CFAP91: variants seen among roughly 807,000 people sequenced by gnomAD.
The protein encoded by CFAP91 is cilia and flagella associated protein 91, also known as cilia- and flagella-associated protein 91.
In CFAP91, 85 loss-of-function variants were observed where a neutral mutation model predicts 95.9. The observed-to-expected ratio is 0.89, with a 90% CI of 0.74 to 1.06. CFAP91 has a LOEUF of 1.06. CFAP91 is among the 50% of genes least tolerant of loss of function. The probability of loss-of-function intolerance (pLI) is 0.00; values close to 1 mark genes in which losing one functional copy is unlikely to be tolerated. For synonymous variants in CFAP91, 335 were observed against 327.5 expected, an observed-to-expected ratio of 1.02 and a Z score of -0.25; for missense variants, 962 against 943.4, an observed-to-expected ratio of 1.02 and a Z score of -0.26.
intron 13 of CFAP91, among the ~76,000 whole-genome samples, chr3:119,742,491 T>C (rs2054140809): frequency 6.6e-6 from 1 of 152,238 alleles, no homozygotes; most frequent in South Asian, 2.1e-4. Context: ...CCTACCCAGA[T>C]TTCTTGCTGA....
intron 6 of CFAP91, among the ~76,000 whole-genome samples, chr3:119,721,756 A>G (rs1483570067): frequency 6.6e-6 from 1 of 152,262 alleles, no homozygotes; most frequent in Non-Finnish European, 1.5e-5. Flanking sequence ...AGAAAGAAGC[A>G]GCAAAACTAT....
chr3:119,747,046 T>G (rs1444096012), intron 14 of CFAP91, 69 bp from the exon 15 acceptor site: 6 of 1,225,168 alleles, frequency 4.9e-6, no homozygotes, highest in Non-Finnish European at 4.5e-6. Flanking sequence ...TAACCAATGT[T>G]TGTGTATTTT....
intron 12 of CFAP91, 66 bp from the exon 13 acceptor site, chr3:119,740,483 G>T: frequency 6.4e-7 from 1 of 1,567,330 alleles, no homozygotes; most frequent in South Asian, 1.2e-5. Context: ...CACTGCGTGT[G>T]ACTCCTAGTG....
At chr3:119,740,835 T>TTGTGTGTGTGTGTG (rs57901016) in intron 13 of CFAP91, 140 bp downstream of exon 13, 1,130 of 514,800 alleles carry the variant, frequency 2.2e-3, no homozygotes, top group South Asian at 7.5e-3. Context: ...CTGTCAGCAT[T>TTGTGTGTGTGTGTG]TGTGTGTGTG....
chr3:119,730,294 T>G lies in CFAP91; in HGVS notation c.935T>G (p.Met312Arg), dbSNP rs563121539. ...GAAGAGAATCAGAATGAAGTGAATATGAAGCACTTGAATGCCCGGTGGTCT... is the reference window on the plus strand; with the variant it reads ...GAAGAGAATCAGAATGAAGTGAATAGGAAGCACTTGAATGCCCGGTGGTCT... ...KREENQNEVN[M>R]KHLNARWSKL... Residue 312 changes from methionine to arginine, a missense_variant, in exon 8 of 18, where the codon ATG becomes AGG. By Grantham distance (91) the Met-to-Arg change is moderately conservative. Coordinates refer to ENST00000273390, the MANE Select transcript of CFAP91 (RefSeq NM_033364.4). 3.4e-5 allele frequency: 55 copies of G among 1,614,124 alleles called. 1 individual carries two copies. In the South Asian group the frequency reaches 5.5e-4, roughly 16 times the overall value.
At chr3:119,753,181 G>A (rs1345754916) in intron 17 of CFAP91, among the ~76,000 whole-genome samples, 1 of 152,104 alleles carries the variant, frequency 6.6e-6, no homozygotes, top group African/African-American at 2.4e-5. Flanking sequence ...TTTTTTCCTG[G>A]AAGAATATGA....
chr3:119,715,615 C>T lies in CFAP91; in HGVS notation c.554C>T (p.Ser185Leu). 3 of 1,613,978 alleles carry T rather than the reference C, an allele frequency of 1.9e-6. No individual in the cohort carries two copies. The highest frequency in any genetic ancestry group is 1.1e-5 in the South Asian group (1 of 91,070). The change falls in exon 6 of 18, where the codon TCA becomes TTA. Residue 185 changes from serine to leucine, a missense_variant. Ser to Leu is a moderately radical substitution (Grantham distance 145). Transcript: ENST00000273390. Reference sequence around the variant, plus strand: ...TCTACTAAGCACCTATCCATCCCTTCAAAGTCTACTGTGGGCACTCAGACT... The same window carrying T: ...TCTACTAAGCACCTATCCATCCCTTTAAAGTCTACTGTGGGCACTCAGACT... ...PTSTKHLSIP[S>L]KSTVGTQTDY...
chr3:119,717,779 A>G (rs1261571671), intron 6 of CFAP91, among the ~76,000 whole-genome samples: 1 of 152,032 alleles, frequency 6.6e-6, no homozygotes, highest in Non-Finnish European at 1.5e-5. Context: ...ACACATCCCT[A>G]CGAACAGCTG....
chr3:119,763,325 T>C (rs1272163077), intron 17 of CFAP91, among the ~76,000 whole-genome samples: 1 of 152,020 alleles, frequency 6.6e-6, no homozygotes, highest in African/African-American at 2.4e-5. Context: ...AAGTAAGTGT[T>C]GAGGAGGATG....
intron 17 of CFAP91, among the ~76,000 whole-genome samples, chr3:119,754,896 G>A (rs1232876731): frequency 6.6e-6 from 1 of 152,200 alleles, no homozygotes; most frequent in Non-Finnish European, 1.5e-5. Context: ...GGCTTAGAAA[G>A]CAAGACACTA....
chr3:119,703,192 T>C lies in CFAP91; in HGVS notation c.94T>C (p.Ser32Pro), dbSNP rs763798431. The change falls in exon 1 of 18, where the codon TCC becomes CCC. Residue 32 changes from serine (S) to proline (P), a missense_variant. Physicochemically the swap from Ser to Pro is moderately conservative, Grantham distance 74. Coordinates refer to ENST00000273390, the MANE Select transcript of CFAP91 (RefSeq NM_033364.4). ...RERSRAGSHI[S>P]SNRAYDFLYD... is the part of the protein sequence containing the mutation. Reference sequence around the variant, plus strand: ...GAGGTCGCGGGCTGGGAGCCACATCTCCTCCAATCGAGCGTATGATTTTCT... The same window carrying C: ...GAGGTCGCGGGCTGGGAGCCACATCCCCTCCAATCGAGCGTATGATTTTCT... 6.2e-7 allele frequency: 1 copy of C among 1,609,170 alleles called. No homozygotes were observed. The highest frequency in any genetic ancestry group is 8.5e-7 in the Non-Finnish European group (1 of 1,178,314).
intron 6 of CFAP91, among the ~76,000 whole-genome samples, chr3:119,723,040 TG>T (rs1404179660): frequency 6.6e-6 from 1 of 152,172 alleles, no homozygotes; most frequent in Non-Finnish European, 1.5e-5. Flanking sequence ...TAACTATGCC[TG>T]GGTAAATTAG....
At chr3:119,754,825 G>T (rs769696596) in intron 17 of CFAP91, among the ~76,000 whole-genome samples, 18 of 152,190 alleles carry the variant, frequency 1.2e-4, no homozygotes, top group Non-Finnish European at 1.9e-4. Context: ...TAGAGCCATG[G>T]GGATGGGGCA....
At chr3:119,728,018 T>C (rs868352288) in intron 7 of CFAP91, among the ~76,000 whole-genome samples, 75 of 137,206 alleles carry the variant, frequency 5.5e-4, no homozygotes, top group African/African-American at 1.7e-3. Context: ...ATGATAATGA[T>C]GATGATGATG....
At chr3:119,738,799 C>T (rs912577832) in intron 11 of CFAP91, among the ~76,000 whole-genome samples, 1 of 152,048 alleles carries the variant, frequency 6.6e-6, no homozygotes, top group Non-Finnish European at 1.5e-5. Context: ...GATGGCTAAC[C>T]TTGTCTCTTA....
Position 119,740,685 on chromosome 3 carries a change from A to G in CFAP91, c.1670A>G (p.His557Arg), listed in dbSNP as rs77975128. ...TLALQRQRNLHEHKVSLVENH... is the reference protein window; with the variant it reads ...TLALQRQRNLREHKVSLVENH... ...GCCTTACAGCGGCAGAGGAACTTGCATGAGCACAAGGTTTTCCTTTTTTTG... is the reference window on the plus strand; with the variant it reads ...GCCTTACAGCGGCAGAGGAACTTGCGTGAGCACAAGGTTTTCCTTTTTTTG... Residue 557 changes from histidine to arginine, a missense_variant, in exon 13 of 18, where the codon CAT becomes CGT. Transcript: ENST00000273390. 1.2e-6 allele frequency: 2 copies of G among 1,614,064 alleles called. No homozygotes were observed. Among genetic ancestry groups the G allele is most frequent in the South Asian group, 1.1e-5 (1 of 91,068 alleles).
intron 17 of CFAP91, among the ~76,000 whole-genome samples, chr3:119,755,935 A>G (rs2054418952): frequency 6.6e-6 from 1 of 152,202 alleles, no homozygotes; most frequent in Non-Finnish European, 1.5e-5. Flanking sequence ...ATAGATTTAG[A>G]ATAGCTTAAT....
intron 5 of CFAP91, among the ~76,000 whole-genome samples, chr3:119,713,566 C>A (rs942505819): frequency 6.6e-6 from 1 of 151,672 alleles, no homozygotes; most frequent in African/African-American, 2.4e-5. Flanking sequence ...AATGCTTTCA[C>A]CAACTTGAAA....
intron 6 of CFAP91, chr3:119,715,995 C>G: frequency 1.7e-6 from 1 of 592,802 alleles, no homozygotes; most frequent in South Asian, 2.1e-5. Flanking sequence ...AGTTGCTTTG[C>G]TGACTACTCA....
Sources: gnomAD v4.1 joint callset for allele counts (sites outside exome capture counted in the v4.1 genomes callset) on GRCh38, gnomAD v4.1.1 for gene constraint, MANE v1.5 for transcripts, NCBI Gene and HGNC (gene_info 2026-07-23, HGNC 2026-07-21) for gene names.